The following PKD2L2 variants were observed in gnomAD, a reference collection of about 807,000 sequenced individuals.
The protein encoded by PKD2L2 is polycystin-2-like protein 2.
PKD2L2 carries 67 observed loss-of-function variants against 83.9 expected under a neutral mutation model. The observed-to-expected ratio is 0.80, with a 90% CI of 0.66 to 0.98. PKD2L2 has a LOEUF of 0.98. Among genes scored for constraint, PKD2L2 ranks in the 50% least tolerant of loss-of-function variants. The pLI is 0.00. For missense variants in PKD2L2, 632 were observed against 717.2 expected, an observed-to-expected ratio of 0.88 and a Z score of 1.36; for synonymous variants, 223 against 237.8, an observed-to-expected ratio of 0.94 and a Z score of 0.57.
chr5:137,936,463 T>TC, intron 14 of PKD2L2, 36 bp downstream of exon 14: 1 of 1,480,832 alleles, frequency 6.8e-7, no homozygotes, highest in East Asian at 2.5e-5. Context: ...AGCATTTCTT[T>TC]TTTTTTTTTT....
intron 8 of PKD2L2, among the ~76,000 whole-genome samples, chr5:137,920,917 A>G (rs1333403689): frequency 6.6e-6 from 1 of 152,228 alleles, no homozygotes; most frequent in Non-Finnish European, 1.5e-5. Flanking sequence ...TGACATTAGA[A>G]AGTTTAGGGC....
chr5:137,935,730 T>C, intron 12 of PKD2L2, 67 bp from the exon 13 acceptor site: 2 of 831,574 alleles, frequency 2.4e-6, no homozygotes, highest in South Asian at 1.6e-5. Flanking sequence ...CCTGTGATGC[T>C]TGTGTGCCAA....
chr5:137,930,740 T>A (rs1447378121), intron 12 of PKD2L2, among the ~76,000 whole-genome samples: 1 of 146,990 alleles, frequency 6.8e-6, no homozygotes, highest in Non-Finnish European at 1.5e-5. Context: ...TGTAGCAGAA[T>A]CTGAGATAAA....
Position 137,942,484 on chromosome 5 carries a change from C to A in PKD2L2, c.*118C>A, listed in dbSNP as rs1762150523. The A allele has an allele frequency of 4.8e-6, 1 of 207,326 alleles. No homozygotes were observed. Among genetic ancestry groups the A allele is most frequent in the Non-Finnish European group, 9.6e-6 (1 of 103,886 alleles). The allele number at this position is 207,326 out of a possible 1,614,324, so 12.8% of individuals were successfully genotyped here. A position where few individuals can be genotyped will look rare whatever the true frequency, so the allele number is the denominator to read the frequency against. On this transcript the variant is annotated 3_prime_UTR_variant, in exon 15 of 15. Transcript: ENST00000508883. The stretch of plus-strand genomic sequence containing the variant: ...CAAGTGATCCTCTTGCCTCAGCCTC[C>A]CAAGTATCTGGGACTACACGCGAAC...
At chr5:137,892,658 A>G (rs1756088544) in intron 3 of PKD2L2, 45 bp downstream of exon 3, 4 of 1,550,648 alleles carry the variant, frequency 2.6e-6, no homozygotes, top group African/African-American at 2.8e-5. Context: ...TAGGTAGTCC[A>G]TGAACCCTTG....
chr5:137,923,433 C>A lies in PKD2L2; in HGVS notation c.1463C>A (p.Ala488Glu). 1 of 1,446,194 alleles carries A rather than the reference C, an allele frequency of 6.9e-7. No individual in the cohort carries two copies. Among genetic ancestry groups the A allele is most frequent in the Non-Finnish European group, 9.7e-7 (1 of 1,028,604 alleles). 89.6% of individuals were successfully genotyped at this position (1,446,194 alleles called of 1,614,324 possible). The change falls in exon 10 of 15, where the codon GCA (alanine) becomes GAA (glutamate). Residue 488 changes from alanine to glutamate, a missense_variant. By Grantham distance (107) the Ala-to-Glu change is moderately radical. Transcript: ENST00000508883. ...VFFVLLNMFL[A>E]IINDTYSEVK... ...ACTTATCCCTAGAATATGTTCTTGG[C>A]AATTATTAATGATACCTATTCTGAA...
At chr5:137,904,639 G>T in intron 5 of PKD2L2, among the ~76,000 whole-genome samples, 1 of 152,046 alleles carries the variant, frequency 6.6e-6, no homozygotes, top group African/African-American at 2.4e-5. Flanking sequence ...GAAGGAAGAG[G>T]TTCAGAAAAA....
intron 12 of PKD2L2, 39 bp from the exon 13 acceptor site, chr5:137,935,758 C>T: frequency 9.4e-7 from 1 of 1,064,476 alleles, no homozygotes. Context: ...AAATAGAGAA[C>T]TAAAGATTGC....
chr5:137,908,526 G>T (rs1757544608), intron 7 of PKD2L2, among the ~76,000 whole-genome samples: 1 of 151,882 alleles, frequency 6.6e-6, no homozygotes, highest in Non-Finnish European at 1.5e-5. Context: ...AGGGGGCAGA[G>T]GTTGCAGTGA....
chr5:137,894,442 C>T lies in PKD2L2; in HGVS notation c.357C>T (p.Ile119=). The T allele has an allele frequency of 6.2e-7, 1 of 1,613,440 alleles. No individual in the cohort carries two copies. Among genetic ancestry groups the T allele is most frequent in the South Asian group, 1.1e-5 (1 of 91,064 alleles). The change falls in exon 4 of 15, where the codon ATC becomes ATT. Residue 119 remains isoleucine, a synonymous_variant. Coordinates refer to ENST00000508883, the MANE Select transcript of PKD2L2 (RefSeq NM_001300921.2). The stretch of plus-strand genomic sequence containing the variant: ...ATAATTTAAAGAACAGCAGTCGCAT[C>T]TACTATGAAAATATACTTCTAGGAG... ...QLYNLKNSSR[I]YYENILLGVP... is the part of the protein sequence containing the mutation.
At chr5:137,911,620 G>A (rs1757844366) in intron 8 of PKD2L2, among the ~76,000 whole-genome samples, 1 of 152,032 alleles carries the variant, frequency 6.6e-6, no homozygotes, top group African/African-American at 2.4e-5. Flanking sequence ...GATTAAATCA[G>A]GCTGTTTAAC....
rs545637896 is a variant in PKD2L2, at chr5:137,942,426, G to A, written c.*60G>A. ...GTCGCCCAGGCTGGAACAGCGGTGC[G>A]ACAGTGGCCTCAACATCCTCCAAAC... On this transcript the variant is annotated 3_prime_UTR_variant, in exon 15 of 15. Transcript: ENST00000508883. 9.4e-5 allele frequency: 21 copies of A among 224,554 alleles called. No homozygotes were observed. The highest frequency in any genetic ancestry group is 2.6e-4 in the Admixed American group (5 of 19,306). 13.9% of individuals were successfully genotyped at this position (224,554 alleles called of 1,614,324 possible).
At chr5:137,889,604 A>T in intron 1 of PKD2L2, 82 bp downstream of exon 1, 2 of 1,284,172 alleles carry the variant, frequency 1.6e-6, no homozygotes, top group Non-Finnish European at 1.0e-6. Flanking sequence ...TGCGGCCCCA[A>T]ATTCGTTTGA....
At position 137,909,326 on chromosome 5, in the gene PKD2L2, C is replaced by A. The variant is rs570073289; in HGVS notation, c.1328+380C>A. Among the ~76,000 whole-genome samples, 35 of 151,986 alleles carry A rather than the reference C, an allele frequency of 2.3e-4. No homozygotes were observed. In the South Asian group the frequency reaches 5.0e-3, roughly 22 times the overall value. ...TTACAGGCATGAGCCACCAGCCTGG[C>A]TGATATTTTCACTGATGGCTAAATA... On this transcript the variant is annotated intron_variant, in intron 8 of 14. Coordinates refer to ENST00000508883, the MANE Select transcript of PKD2L2 (RefSeq NM_001300921.2).
chr5:137,916,587 C>G (rs762695008), intron 8 of PKD2L2, among the ~76,000 whole-genome samples: 16 of 138,048 alleles, frequency 1.2e-4, no homozygotes, highest in Non-Finnish European at 1.8e-4. Context: ...TCAAGTGATT[C>G]TCGTGCCTCA....
intron 12 of PKD2L2, among the ~76,000 whole-genome samples, chr5:137,927,547 CAG>C (rs1489475323): frequency 6.6e-6 from 1 of 152,118 alleles, no homozygotes; most frequent in Non-Finnish European, 1.5e-5. Flanking sequence ...GAAAGAGAAA[CAG>C]AGGATTAGAT....
intron 14 of PKD2L2, among the ~76,000 whole-genome samples, chr5:137,937,669 TAA>T (rs1760571010): frequency 6.6e-6 from 1 of 152,236 alleles, no homozygotes; most frequent in Non-Finnish European, 1.5e-5. Flanking sequence ...GCTCTTCTCT[TAA>T]GAGACTGTAC....
intron 7 of PKD2L2, among the ~76,000 whole-genome samples, 183 bp from the exon 8 acceptor site, chr5:137,908,582 C>T (rs1202425598): frequency 6.6e-6 from 1 of 151,380 alleles, no homozygotes; most frequent in African/African-American, 2.4e-5. Flanking sequence ...CAGAGTGAGA[C>T]TCCATCTCAA....
At chr5:137,922,043 A>T (rs1301772539) in intron 9 of PKD2L2, among the ~76,000 whole-genome samples, 1 of 152,224 alleles carries the variant, frequency 6.6e-6, no homozygotes, top group Non-Finnish European at 1.5e-5. Context: ...AATGCATGCC[A>T]TGAGTCATGA....
Sources: gnomAD v4.1 joint callset for allele counts (sites outside exome capture counted in the v4.1 genomes callset) on GRCh38, gnomAD v4.1.1 for gene constraint, MANE v1.5 for transcripts, NCBI Gene and HGNC (gene_info 2026-07-23, HGNC 2026-07-21) for gene names.